The following THEM4 variants were observed in gnomAD, a reference collection of about 807,000 sequenced individuals.
THEM4 encodes the protein thioesterase superfamily member 4.
A neutral mutation model predicts 25.0 loss-of-function variants in THEM4; 22 were observed. The ratio of observed to expected loss-of-function variants is 0.88; its 90% CI spans 0.63 to 1.26. The LOEUF (loss-of-function observed/expected upper bound fraction) is 1.26. Among genes scored for constraint, THEM4 ranks in the 50% most tolerant of loss-of-function variants. THEM4 has a pLI of 0.00. For missense variants in THEM4, 286 were observed against 300.3 expected (o/e 0.95, Z 0.35); for synonymous variants, 113 against 105.6 (o/e 1.07, Z -0.43).
chr1:151,875,249 G>T (rs566828578), intron 5 of THEM4, among the ~76,000 whole-genome samples: 6 of 152,196 alleles, frequency 3.9e-5, no homozygotes, highest in Non-Finnish European at 7.3e-5. Context: ...AGTGAGACAG[G>T]AAGTACAAAC....
At chr1:151,906,274 A>C (rs1572085151) in intron 1 of THEM4, among the ~76,000 whole-genome samples, 1 of 152,174 alleles carries the variant, frequency 6.6e-6, no homozygotes, top group South Asian at 2.1e-4. Flanking sequence ...GGGGCTTAGC[A>C]CCCGGGCCAG....
intron 1 of THEM4, among the ~76,000 whole-genome samples, chr1:151,901,217 T>G (rs1380452935): frequency 1.3e-5 from 2 of 152,236 alleles, no homozygotes; most frequent in East Asian, 3.8e-4. Context: ...TGTCTTTAAT[T>G]TCTCTAGCAC....
At chr1:151,893,811 G>A (rs181493338) in intron 2 of THEM4, among the ~76,000 whole-genome samples, 1 of 152,038 alleles carries the variant, frequency 6.6e-6, no homozygotes, top group Admixed American at 6.6e-5. Context: ...ATAAACTAGG[G>A]AAACATGAAG....
intron 1 of THEM4, among the ~76,000 whole-genome samples, chr1:151,906,997 G>A (rs1654484871): frequency 6.6e-6 from 1 of 152,138 alleles, no homozygotes; most frequent in Admixed American, 6.5e-5. Flanking sequence ...CTTCCACACT[G>A]TGGAAGCTTT....
At chr1:151,900,719 C>A (rs533392203) in intron 1 of THEM4, among the ~76,000 whole-genome samples, 1 of 152,176 alleles carries the variant, frequency 6.6e-6, no homozygotes, top group East Asian at 1.9e-4. Flanking sequence ...AGATAGACAG[C>A]AACAAAATAA....
At chr1:151,887,429 C>CAAA (rs1653995019) in intron 4 of THEM4, among the ~76,000 whole-genome samples, 1 of 148,030 alleles carries the variant, frequency 6.8e-6, no homozygotes, top group South Asian at 2.1e-4. Flanking sequence ...GACTTTGTCT[C>CAAA]AAAATAATAA....
intron 4 of THEM4, among the ~76,000 whole-genome samples, chr1:151,879,004 TGA>T (rs1038266883): frequency 1.4e-5 from 2 of 147,054 alleles, no homozygotes; most frequent in African/African-American, 2.5e-5. Flanking sequence ...ATCAAGACAA[TGA>T]GAGAGAGCAT....
intron 1 of THEM4, among the ~76,000 whole-genome samples, chr1:151,902,659 T>A (rs1558194646): frequency 1.3e-5 from 2 of 151,860 alleles, no homozygotes; most frequent in Admixed American, 6.6e-5. Context: ...AAAATAAAAT[T>A]AAAAAATAAA....
chr1:151,906,834 C>A (rs1654480113), intron 1 of THEM4, among the ~76,000 whole-genome samples: 1 of 152,074 alleles, frequency 6.6e-6, no homozygotes, highest in Non-Finnish European at 1.5e-5. Flanking sequence ...ACGTGGAGAA[C>A]CTTTGTGTCT....
At chr1:151,903,891 C>A (rs1873312) in intron 1 of THEM4, among the ~76,000 whole-genome samples, 139,340 of 152,288 alleles carry the variant, frequency 0.91, 63,754 homozygotes, top group East Asian at 0.95. Flanking sequence ...TCTGGGATTC[C>A]GTTAAATCCA....
chr1:151,877,859 T>C (rs1342992340), intron 4 of THEM4, among the ~76,000 whole-genome samples: 2 of 152,216 alleles, frequency 1.3e-5, no homozygotes, highest in Non-Finnish European at 2.9e-5. Flanking sequence ...AGGATATCTC[T>C]TTAAAAGTGA....
chr1:151,890,065 CCTGA>C (rs1654060790), intron 2 of THEM4: 6 of 328,110 alleles, frequency 1.8e-5, no homozygotes, highest in East Asian at 1.6e-4. Context: ...CACCACCACG[CCTGA>C]CTAATTCTGT....
rs1211173464 is a variant in THEM4 at position 151,873,376 on chromosome 1, C to T, written c.*1512G>A. 2.0e-5 allele frequency among the ~76,000 whole-genome samples: 3 copies of T among 152,124 alleles called. No homozygotes were observed. The highest frequency in any genetic ancestry group is 1.9e-4 in the East Asian group (1 of 5,156). On this transcript the variant is annotated 3_prime_UTR_variant, in exon 6 of 6. Transcript: ENST00000368814. ...TGCGGGTCCTCTGTATGCTGAGCAC[C>T]GGTCCCCTGGGCCCAGGGTTCTTTC...
intron 4 of THEM4, among the ~76,000 whole-genome samples, chr1:151,885,150 G>A (rs938104188): frequency 2.7e-5 from 4 of 146,402 alleles, no homozygotes; most frequent in South Asian, 2.2e-4. Context: ...ATGGAGTATC[G>A]CTCTGTTGCC....
chr1:151,903,104 G>T (rs565335455), intron 1 of THEM4, among the ~76,000 whole-genome samples: 9 of 152,232 alleles, frequency 5.9e-5, no homozygotes, highest in African/African-American at 2.2e-4. Flanking sequence ...AAACCACTTT[G>T]CCCTTAGCCC....
intron 4 of THEM4, 122 bp from the exon 5 acceptor site, chr1:151,877,247 C>G: frequency 1.0e-6 from 1 of 992,464 alleles, no homozygotes; most frequent in Non-Finnish European, 1.4e-6. Context: ...TGAGCACTGA[C>G]TGCCTTAGAC....
chr1:151,901,660 C>T (rs549069280), intron 1 of THEM4, among the ~76,000 whole-genome samples: 15 of 152,080 alleles, frequency 9.9e-5, no homozygotes, highest in African/African-American at 2.2e-4. Context: ...CTGACTAACA[C>T]GGCAAAACCC....
chr1:151,872,927 G>A lies in THEM4; in HGVS notation c.*1961C>T, dbSNP rs909710785. On this transcript the variant is annotated 3_prime_UTR_variant, in exon 6 of 6. Transcript: ENST00000368814. ...CATCCCCCAGCCCGACACCCGCAAA[G>A]GGTCTGTGCTGAGGGGGATTAGTAA... 1.3e-5 allele frequency among the ~76,000 whole-genome samples: 2 copies of A among 152,138 alleles called. No homozygotes were observed. Among genetic ancestry groups the A allele is most frequent in the Middle Eastern group, 3.2e-3 (1 of 316 alleles).
In THEM4 at chr1:151,894,988, G is replaced by A. The variant is rs755389227; in HGVS notation, c.286+20C>T. ...ATATTTGATGCTCAGATATATTAAT[G>A]GGAAAGTGGCTGTTTCTACCAAGAA... On this transcript the variant is annotated intron_variant, in intron 2 of 5. Coordinates refer to ENST00000368814, the MANE Select transcript of THEM4 (RefSeq NM_053055.5). The A allele has an allele frequency of 6.2e-7, 1 of 1,611,546 alleles. No homozygotes were observed. The highest frequency in any genetic ancestry group is 8.5e-7 in the Non-Finnish European group (1 of 1,177,924).
Sources: gnomAD v4.1 joint callset for allele counts (sites outside exome capture counted in the v4.1 genomes callset) on GRCh38, gnomAD v4.1.1 for gene constraint, MANE v1.5 for transcripts, NCBI Gene and HGNC (gene_info 2026-07-23, HGNC 2026-07-21) for gene names.